KCNH7: variants seen among roughly 807,000 people sequenced by gnomAD.
KCNH7 encodes the protein potassium voltage-gated channel subfamily H member 7.
Under a neutral mutation model 120.8 loss-of-function variants are expected in KCNH7, and 49 were observed. The ratio of observed to expected loss-of-function variants is 0.41; its 90% CI spans 0.32 to 0.51. The LOEUF (loss-of-function observed/expected upper bound fraction) is 0.51, where lower values mean the gene tolerates loss of function less well. Ranked by LOEUF, KCNH7 falls within the 20% of genes least tolerant of loss-of-function variation. KCNH7 has a pLI of 0.38. For synonymous variants in KCNH7, 547 were observed against 516.1 expected, an observed-to-expected ratio of 1.06 and a Z score of -0.81; for missense variants, 1,097 against 1,446.6, an observed-to-expected ratio of 0.76 and a Z score of 3.92.
chr2:162,712,782 A>T (rs1686971842), intron 2 of KCNH7, among the ~76,000 whole-genome samples: 1 of 152,214 alleles, frequency 6.6e-6, no homozygotes. Flanking sequence ...AGCCAATTTC[A>T]GCTTTCACTT....
chr2:162,838,591 C>T lies in KCNH7; in HGVS notation c.-73G>A, dbSNP rs1004936185. 5.4e-5 allele frequency: 66 copies of T among 1,227,048 alleles called. No individual in the cohort carries two copies. Among genetic ancestry groups the T allele is most frequent in the Non-Finnish European group, 7.1e-5 (62 of 868,618 alleles). The allele number at this position is 1,227,048 out of a possible 1,614,324, so 76.0% of individuals were successfully genotyped here. A position where few individuals can be genotyped will look rare whatever the true frequency, so the allele number is the denominator to read the frequency against. On this transcript the variant is annotated 5_prime_UTR_variant, in exon 1 of 16. Coordinates refer to ENST00000332142, the MANE Select transcript of KCNH7 (RefSeq NM_033272.4). ...TCCCGGGATCTCTCCTCGGCTAGAG[C>T]CCAGGCCAGCGCGCGAGCCGCTCTT...
At chr2:162,678,186 G>A (rs1453024946) in intron 2 of KCNH7, among the ~76,000 whole-genome samples, 2 of 151,344 alleles carry the variant, frequency 1.3e-5, no homozygotes, top group Non-Finnish European at 3.0e-5. Context: ...CATGATGGCT[G>A]AGAATTTTCC....
intron 2 of KCNH7, among the ~76,000 whole-genome samples, chr2:162,641,382 A>G (rs1488067396): frequency 6.6e-6 from 1 of 152,164 alleles, no homozygotes; most frequent in African/African-American, 2.4e-5. Context: ...AATTAAGCTG[A>G]CTGAAAAAAG....
chr2:162,419,728 A>G (rs1687644589), intron 9 of KCNH7, among the ~76,000 whole-genome samples: 1 of 152,150 alleles, frequency 6.6e-6, no homozygotes, highest in African/African-American at 2.4e-5. Context: ...ATTTCTCTTC[A>G]TCCAGAAAGA....
At chr2:162,594,192 T>C (rs913579709) in intron 2 of KCNH7, among the ~76,000 whole-genome samples, 3 of 151,666 alleles carry the variant, frequency 2.0e-5, no homozygotes, top group African/African-American at 7.3e-5. Context: ...TAAAAGAACA[T>C]TCTAGTTTAC....
At chr2:162,822,987 C>A (rs923608935) in intron 2 of KCNH7, among the ~76,000 whole-genome samples, 1 of 152,152 alleles carries the variant, frequency 6.6e-6, no homozygotes, top group Admixed American at 6.5e-5. Flanking sequence ...ACATTTCACA[C>A]TTTGCATCAA....
chr2:162,512,713 A>T lies in KCNH7; in HGVS notation c.893-39T>A, dbSNP rs573448062. 5.2e-6 allele frequency: 8 copies of T among 1,530,472 alleles called. No homozygotes were observed. The African/African-American group carries it at 5.5e-5, about 10-fold the overall frequency. The allele number at this position is 1,530,472 out of a possible 1,614,324, so 94.8% of individuals were successfully genotyped here. A position where few individuals can be genotyped will look rare whatever the true frequency, so the allele number is the denominator to read the frequency against. ...ATAAGGATAAAAAAAGAGAAATATA[A>T]AAAGAAGACTAAAATTATATTATAT... On this transcript the variant is annotated intron_variant, in intron 4 of 15. Transcript: ENST00000332142.
At chr2:162,391,884 A>G (rs1686755689) in intron 12 of KCNH7, among the ~76,000 whole-genome samples, 1 of 152,042 alleles carries the variant, frequency 6.6e-6, no homozygotes. Context: ...TCTGTGGAAG[A>G]ACAGCTTAAT....
chr2:162,788,988 T>TAAAAAAAAAAAAAAA (rs61348204), intron 2 of KCNH7, among the ~76,000 whole-genome samples: 1 of 105,164 alleles, frequency 9.5e-6, no homozygotes, highest in African/African-American at 3.6e-5. Flanking sequence ...AGGTACTGGT[T>TAAAAAAAAAAAAAAA]AAAAAAAAAA....
chr2:162,774,905 ATAG>A (rs1191314286), intron 2 of KCNH7, among the ~76,000 whole-genome samples: 1 of 152,144 alleles, frequency 6.6e-6, no homozygotes, highest in Non-Finnish European at 1.5e-5. Context: ...AGACACTTTA[ATAG>A]TAGCACAATA....
intron 2 of KCNH7, among the ~76,000 whole-genome samples, chr2:162,628,139 T>C (rs891152381): frequency 9.9e-5 from 15 of 152,132 alleles, no homozygotes; most frequent in Admixed American, 5.2e-4. Flanking sequence ...CTGGCATAAA[T>C]TGCATTGTAA....
At chr2:162,468,494 A>G (rs930340542) in intron 6 of KCNH7, among the ~76,000 whole-genome samples, 1 of 149,736 alleles carries the variant, frequency 6.7e-6, no homozygotes, top group South Asian at 2.1e-4. Flanking sequence ...TATCTTGGGC[A>G]AGGTATTTAT....
intron 2 of KCNH7, among the ~76,000 whole-genome samples, chr2:162,832,978 A>G (rs1260955289): frequency 6.6e-6 from 1 of 152,050 alleles, no homozygotes; most frequent in Non-Finnish European, 1.5e-5. Context: ...AGCACCATAC[A>G]TTTCTGATCT....
chr2:162,807,455 C>T (rs544844903), intron 2 of KCNH7, among the ~76,000 whole-genome samples: 3 of 151,132 alleles, frequency 2.0e-5, no homozygotes, highest in African/African-American at 4.9e-5. Context: ...AGAAAACAAC[C>T]CAACAAGACA....
At chr2:162,530,591 C>A (rs918149673) in intron 3 of KCNH7, among the ~76,000 whole-genome samples, 3 of 151,936 alleles carry the variant, frequency 2.0e-5, no homozygotes, top group African/African-American at 4.8e-5. Flanking sequence ...TCTTTGTAAC[C>A]ATATTTTTAT....
chr2:162,750,360 A>T (rs1189301705), intron 2 of KCNH7, among the ~76,000 whole-genome samples: 4 of 152,056 alleles, frequency 2.6e-5, no homozygotes, highest in Non-Finnish European at 4.4e-5. Flanking sequence ...AATAAAAAAA[A>T]CTGGATAAAT....
chr2:162,549,532 G>A (rs755061456), intron 2 of KCNH7, among the ~76,000 whole-genome samples: 1 of 152,138 alleles, frequency 6.6e-6, no homozygotes, highest in Non-Finnish European at 1.5e-5. Flanking sequence ...CTCTGAAGAT[G>A]GAAATTTCAG....
chr2:162,702,769 T>G (rs1686559172), intron 2 of KCNH7, among the ~76,000 whole-genome samples: 1 of 152,164 alleles, frequency 6.6e-6, no homozygotes, highest in Non-Finnish European at 1.5e-5. Flanking sequence ...ACTCTTGATT[T>G]TATCAAGTGA....
chr2:162,779,017 C>CA (rs142866329), intron 2 of KCNH7, among the ~76,000 whole-genome samples: 5,549 of 149,164 alleles, frequency 0.037, 310 homozygotes, highest in African/African-American at 0.12. Context: ...TAGTGAAATC[C>CA]AAAAAAAACT....
Sources: allele counts gnomAD v4.1 joint callset (sites outside exome capture counted in the v4.1 genomes callset), GRCh38; gene constraint gnomAD v4.1.1; transcripts MANE v1.5; gene names NCBI Gene and HGNC (gene_info 2026-07-23, HGNC 2026-07-21).